FASN: variants seen among roughly 807,000 people sequenced by gnomAD.
The protein encoded by FASN is fatty acid synthase.
A neutral mutation model predicts 250.0 loss-of-function variants in FASN; 50 were observed. That is an observed-to-expected ratio of 0.20 (90% CI 0.16 to 0.25). The LOEUF (loss-of-function observed/expected upper bound fraction) is 0.25. Ranked by LOEUF, FASN falls within the 10% of genes least tolerant of loss-of-function variation. The pLI is 1.00. For missense variants in FASN, 3,031 were observed against 3,498.5 expected (o/e 0.87, Z 3.37); for synonymous variants, 1,909 against 1,584.0 (o/e 1.21, Z -4.87).
intron 11 of FASN, 149 bp downstream of exon 11, chr17:82,090,226 G>T: frequency 2.7e-6 from 2 of 752,968 alleles, no homozygotes; most frequent in Non-Finnish European, 4.2e-6. Context: ...CAGGGGACTC[G>T]CGCACGGCTG....
intron 8 of FASN, 133 bp downstream of exon 8, chr17:82,092,322 C>CG (rs1275451195): frequency 1.0e-6 from 1 of 969,232 alleles, no homozygotes; most frequent in East Asian, 2.6e-5. Context: ...CAGCATAGCC[C>CG]GGGGGACAGA....
intron 10 of FASN, 107 bp from the exon 11 acceptor site, chr17:82,090,671 T>A: frequency 8.7e-7 from 1 of 1,143,918 alleles, no homozygotes; most frequent in Non-Finnish European, 1.3e-6. Context: ...CCATCGACCC[T>A]CCCAGGTCTC....
intron 41 of FASN, 111 bp downstream of exon 41, chr17:82,080,029 G>A: frequency 8.4e-7 from 1 of 1,183,592 alleles, no homozygotes; most frequent in Non-Finnish European, 1.3e-6. Context: ...TTAAAGGGGT[G>A]AAGTTGGGGG....
chr17:82,089,759 G>A (rs767264553), intron 11 of FASN, 33 bp from the exon 12 acceptor site: 2 of 1,546,784 alleles, frequency 1.3e-6, no homozygotes, highest in Non-Finnish European at 1.8e-6. Flanking sequence ...GGCTTAGCGT[G>A]GACACCGAGC....
intron 3 of FASN, 113 bp from the exon 4 acceptor site, chr17:82,093,884 A>AG (rs34334536): frequency 3.9e-5 from 43 of 1,105,582 alleles, no homozygotes; most frequent in South Asian, 1.4e-4. Context: ...GCTTGGGGTG[A>AG]GGGGGGGTCC....
rs1187942234 is a variant in FASN, at chr17:82,079,079, GGGGGTGGGGT to G, written c.*54_*63del. ...GGACCCTTCAATCCCGTTGCATGGC[GGGGGTGGGGT>G]GGGGTGGGGTGGGGATGGTGGAGTG... On this transcript the variant is annotated 3_prime_UTR_variant, in exon 43 of 43. Transcript: ENST00000306749. 2.5e-5 allele frequency: 38 copies of G among 1,492,936 alleles called. No individual in the cohort carries two copies. The East Asian group carries it at 2.9e-4, about 12-fold the overall frequency. 92.5% of individuals were successfully genotyped at this position (1,492,936 alleles called of 1,614,324 possible).
At position 82,094,653 on chromosome 17, in the gene FASN, G is replaced by A. The variant is rs1189167754; in HGVS notation, c.280+667C>T. The stretch of plus-strand genomic sequence containing the variant: ...AAAATACAAAAATTAGCCGGGCGTG[G>A]TGGTGGGCGCCTGTAGTCCCGGCCA... On this transcript the variant is annotated intron_variant, in intron 3 of 42. Transcript: ENST00000306749. Among the ~76,000 whole-genome samples, 13 of 151,858 alleles carry A rather than the reference G, an allele frequency of 8.6e-5. No individual in the cohort carries two copies. In the East Asian group the frequency reaches 1.6e-3, roughly 18 times the overall value.
intron 38 of FASN, 91 bp from the exon 39 acceptor site, chr17:82,081,013 G>A (rs2033977611): frequency 7.2e-6 from 10 of 1,393,336 alleles, no homozygotes; most frequent in South Asian, 3.7e-5. Flanking sequence ...AGGTCCCCAC[G>A]GTGCTACGTC....
rs769386892 is a variant in FASN, at chr17:82,085,524, G to A, written c.4080C>T (p.Leu1360=). 6.3e-6 allele frequency: 10 copies of A among 1,596,222 alleles called. No individual in the cohort carries two copies. Among genetic ancestry groups the A allele is most frequent in the East Asian group, 4.5e-5 (2 of 44,052 alleles). The change falls in exon 23 of 43, where the codon CTC becomes CTT. Residue 1360 remains leucine, a synonymous_variant. Coordinates refer to ENST00000306749, the MANE Select transcript of FASN (RefSeq NM_004104.5). ...GGCCATACTGCGGCTCAGTGGAGGT[G>A]AGGAAGGCCACGATGTCCCCGAGGG... is the stretch of plus-strand genomic sequence containing the variant. ...GHPLGDIVAF[L]TSTEPQYGQG...
At position 82,086,405 on chromosome 17, in the gene FASN, A is replaced by G; in HGVS notation, c.3581T>C (p.Leu1194Pro). ...CAGCACCTGCGCCAGCTCCAGCTGC[A>G]GGTTCCCGTTGAGCTGAAGCCTGCA... ...AACRLQLNGN[L>P]QLELAQVLAQ... Residue 1194 changes from leucine to proline, a missense_variant, in exon 22 of 43, where the codon CTG (leucine) becomes CCG (proline). Coordinates refer to ENST00000306749, the MANE Select transcript of FASN (RefSeq NM_004104.5). 6.2e-7 allele frequency: 1 copy of G among 1,611,070 alleles called. No homozygotes were observed. The highest frequency in any genetic ancestry group is 8.5e-7 in the Non-Finnish European group (1 of 1,179,892).
At position 82,087,406 on chromosome 17, in the gene FASN, G is replaced by A. The variant is rs1334079690; in HGVS notation, c.3142C>T (p.Leu1048=). 4.3e-6 allele frequency: 7 copies of A among 1,612,552 alleles called. No homozygotes were observed. The highest frequency in any genetic ancestry group is 5.9e-6 in the Non-Finnish European group (7 of 1,179,994). ...ILGSAKHGLY[L]PTRVTAIHID... is the part of the protein sequence containing the mutation. ...TGGATGGCGGTGACACGGGTGGGCA[G>A]GTACAGGCCGTGCTTGGCCGAGCCC... The change falls in exon 20 of 43, where the codon CTG becomes TTG. Residue 1048 remains leucine, a synonymous_variant. Coordinates refer to ENST00000306749, the MANE Select transcript of FASN (RefSeq NM_004104.5).
chr17:82,096,173 T>C (rs2034299109), intron 2 of FASN, 146 bp downstream of exon 2: 1 of 1,324,614 alleles, frequency 7.5e-7, no homozygotes, highest in Non-Finnish European at 1.1e-6. Flanking sequence ...GCCTCGCCCA[T>C]GGGTGACCAG....
At position 82,088,048 on chromosome 17, in the gene FASN, G is replaced by A. The variant is rs45457693; in HGVS notation, c.2786-14C>T. ...GGGACACTGTCCCTGCAGAGCGGGA[G>A]AGTTGGAGATCAGAGGGCAGCACCC... On this transcript the variant is annotated splice_polypyrimidine_tract_variant and intron_variant, in intron 17 of 42. Coordinates refer to ENST00000306749, the MANE Select transcript of FASN (RefSeq NM_004104.5). 2,600 of 1,612,704 alleles carry A rather than the reference G, an allele frequency of 1.6e-3. 28 individuals are homozygous for A. In the African/African-American group the frequency reaches 0.03, roughly 18 times the overall value.
intron 37 of FASN, 94 bp from the exon 38 acceptor site, chr17:82,081,446 A>G: frequency 6.4e-7 from 1 of 1,568,676 alleles, no homozygotes; most frequent in Admixed American, 1.7e-5. Flanking sequence ...TGGGCTGTGC[A>G]TCTCCCAAAG....
At chr17:82,081,066 C>A (rs555317198) in intron 38 of FASN, 98 bp downstream of exon 38, 2 of 1,460,862 alleles carry the variant, frequency 1.4e-6, no homozygotes, top group Non-Finnish European at 9.3e-7. Context: ...GCACCCGTGA[C>A]GAAGGGCGGT....
In FASN at chr17:82,083,802, G is replaced by C; in HGVS notation, c.5188C>G (p.Gln1730Glu). 1.2e-6 allele frequency: 2 copies of C among 1,610,574 alleles called. No individual in the cohort carries two copies. The highest frequency in any genetic ancestry group is 1.7e-6 in the Non-Finnish European group (2 of 1,179,292). ...CCGCCCGTGTGCCACAGCACATGCT[G>C]CTCGAAGGATGTGTCCCGGGAGTTG... is the stretch of plus-strand genomic sequence containing the variant. ...FANSRDTSFE[Q>E]HVLWHTGGKG... is the part of the protein sequence containing the mutation. The change falls in exon 30 of 43, where the codon CAG (glutamine) becomes GAG (glutamate). Residue 1730 changes from glutamine (Q) to glutamate (E), a missense_variant. Gln to Glu is a conservative substitution (Grantham distance 29, BLOSUM62 2). Transcript: ENST00000306749.
chr17:82,087,988 G>T lies in FASN; in HGVS notation c.2832C>A (p.Phe944Leu). 1 of 1,612,644 alleles carries T rather than the reference G, an allele frequency of 6.2e-7. No homozygotes were observed. The highest frequency in any genetic ancestry group is 8.5e-7 in the Non-Finnish European group (1 of 1,179,942). The change falls in exon 18 of 43, where the codon TTC (phenylalanine) becomes TTA (leucine). Residue 944 changes from phenylalanine to leucine, a missense_variant. Coordinates refer to ENST00000306749, the MANE Select transcript of FASN (RefSeq NM_004104.5). Reference sequence around the variant, plus strand: ...CCAGGTTGCCGTTCTCTGACACCTCGAAGGCACGGGAGGCCTCCAGGAGCC... The same window carrying T: ...CCAGGTTGCCGTTCTCTGACACCTCTAAGGCACGGGAGGCCTCCAGGAGCC... ...EVRLLEASRAFEVSENGNLVV... is the reference protein window; with the variant it reads ...EVRLLEASRALEVSENGNLVV...
At position 82,092,576 on chromosome 17, in the gene FASN, T is replaced by C; in HGVS notation, c.908A>G (p.Gln303Arg). 9 of 1,596,976 alleles carry C rather than the reference T, an allele frequency of 5.6e-6. No individual in the cohort carries two copies. The highest frequency in any genetic ancestry group is 6.8e-6 in the Non-Finnish European group (8 of 1,174,394). ...HGTGTKVGDPQELNGITRALC... is the reference protein window; with the variant it reads ...HGTGTKVGDPRELNGITRALC... ...GGCTCGGGTGATGCCATTCAGCTCC[T>C]GGGGGTCGCCCACCTGTGGGAAACA... is the stretch of plus-strand genomic sequence containing the variant. The change falls in exon 8 of 43, where the codon CAG becomes CGG. Residue 303 changes from glutamine (Q) to arginine (R), a missense_variant. Transcript: ENST00000306749.
chr17:82,088,373 G>C lies in FASN; in HGVS notation c.2593+17C>G, dbSNP rs200557876. The C allele has an allele frequency of 1.2e-6, 2 of 1,611,614 alleles. No homozygotes were observed. The highest frequency in any genetic ancestry group is 1.7e-6 in the Non-Finnish European group (2 of 1,179,694). On this transcript the variant is annotated intron_variant, in intron 16 of 42. Transcript: ENST00000306749. ...TGGGGAGGGAAGAGTCTGCCCACCCGCCGGGCCCCTGCTCACCGATGTTGT... is the reference window on the plus strand; with the variant it reads ...TGGGGAGGGAAGAGTCTGCCCACCCCCCGGGCCCCTGCTCACCGATGTTGT...
Sources: gnomAD v4.1 joint callset for allele counts (sites outside exome capture counted in the v4.1 genomes callset) on GRCh38, gnomAD v4.1.1 for gene constraint, MANE v1.5 for transcripts, NCBI Gene and HGNC (gene_info 2026-07-23, HGNC 2026-07-21) for gene names.